Variants in CLCA2 observed in about 807,000 individuals in gnomAD.
CLCA2 encodes the protein calcium-activated chloride channel regulator 2.
Under a neutral mutation model 82.9 loss-of-function variants are expected in CLCA2, and 85 were observed. The observed-to-expected ratio is 1.03, with a 90% CI of 0.86 to 1.23. The LOEUF is 1.23. Among genes scored for constraint, CLCA2 ranks in the 50% most tolerant of loss-of-function variants. CLCA2 has a pLI of 0.00. For missense variants in CLCA2, 1,089 were observed against 1,124.8 expected, an observed-to-expected ratio of 0.97 and a Z score of 0.45; for synonymous variants, 421 against 391.7, an observed-to-expected ratio of 1.07 and a Z score of -0.88.
intron 5 of CLCA2, among the ~76,000 whole-genome samples, chr1:86,433,884 T>C (rs78088485): frequency 0.017 from 2,617 of 152,312 alleles, 86 homozygotes; most frequent in African/African-American, 0.06. Flanking sequence ...TAGATGGTGA[T>C]GCATTACTTA....
At chr1:86,439,331 A>G (rs11161832) in intron 7 of CLCA2, among the ~76,000 whole-genome samples, 15,807 of 152,230 alleles carry the variant, frequency 0.1, 972 homozygotes, top group African/African-American at 0.16. Flanking sequence ...CTTAATAAAT[A>G]CTTGTTGACA....
At position 86,425,429 on chromosome 1, in the gene CLCA2, T is replaced by A; in HGVS notation, c.277T>A (p.Trp93Arg). 1.3e-6 allele frequency: 2 copies of A among 1,569,708 alleles called. No homozygotes were observed. Among genetic ancestry groups the A allele is most frequent in the African/African-American group, 1.4e-5 (1 of 73,690 alleles). ...TATAAAGATTTTAATACCTGCCACA[T>A]GGAAAGCTAATAATAACAGCAAAAT... is the stretch of plus-strand genomic sequence containing the variant. ...RNIKILIPAT[W>R]KANNNSKIKQ... Residue 93 changes from tryptophan to arginine, a missense_variant, in exon 2 of 14, where the codon TGG becomes AGG. Trp to Arg is a moderately radical substitution (Grantham distance 101). Coordinates refer to ENST00000370565, the MANE Select transcript of CLCA2 (RefSeq NM_006536.7).
rs1289844046 is a variant in CLCA2, at chr1:86,440,264, T to C, written c.1320T>C (p.Ile440=). 6.2e-7 allele frequency: 1 copy of C among 1,614,136 alleles called. No homozygotes were observed. The highest frequency in any genetic ancestry group is 1.7e-5 in the Admixed American group (1 of 60,008). ...LPTVLSSGST[I]HSIALGSSAA... ...CTGTGCTCAGCAGTGGTTCAACAATTCACTCCATTGCCCTGGGTTCATCTG... is the reference window on the plus strand; with the variant it reads ...CTGTGCTCAGCAGTGGTTCAACAATCCACTCCATTGCCCTGGGTTCATCTG... The change falls in exon 8 of 14, where the codon ATT becomes ATC. Residue 440 remains isoleucine, a synonymous_variant. Coordinates refer to ENST00000370565, the MANE Select transcript of CLCA2 (RefSeq NM_006536.7).
intron 3 of CLCA2, 45 bp downstream of exon 3, chr1:86,428,613 A>G: frequency 6.3e-7 from 1 of 1,588,540 alleles, no homozygotes; most frequent in East Asian, 2.3e-5. Flanking sequence ...AATACTACTT[A>G]TAATATTCTG....
Position 86,424,186 on chromosome 1 carries a change from G to A in CLCA2, c.-62G>A, listed in dbSNP as rs1481578026. 3 of 1,493,792 alleles carry A rather than the reference G, an allele frequency of 2.0e-6. No individual in the cohort carries two copies. Among genetic ancestry groups the A allele is most frequent in the African/African-American group, 1.4e-5 (1 of 70,712 alleles). 92.5% of individuals were successfully genotyped at this position (1,493,792 alleles called of 1,614,324 possible). A position where few individuals can be genotyped will look rare whatever the true frequency, so the allele number is the denominator to read the frequency against. ...GGAAGAAACCATCTGCATCCATATTGAAAACCTGACACAATGTATGCAGCA... is the reference window on the plus strand; with the variant it reads ...GGAAGAAACCATCTGCATCCATATTAAAAACCTGACACAATGTATGCAGCA... On this transcript the variant is annotated 5_prime_UTR_variant, in exon 1 of 14. Coordinates refer to ENST00000370565, the MANE Select transcript of CLCA2 (RefSeq NM_006536.7).
intron 8 of CLCA2, 93 bp downstream of exon 8, chr1:86,440,418 G>C: frequency 9.0e-7 from 1 of 1,108,896 alleles, no homozygotes; most frequent in Non-Finnish European, 1.3e-6. Context: ...TGGCTTAATT[G>C]AAAATACAGA....
rs55906076 is a variant in CLCA2, at chr1:86,438,966, G to T, written c.1063G>T (p.Asp355Tyr). 3.9e-3 allele frequency: 6,287 copies of T among 1,614,016 alleles called. 22 individuals are homozygous for T. The highest frequency in any genetic ancestry group is 6.6e-3 in the South Asian group (605 of 91,064). Residue 355 changes from aspartate to tyrosine, a missense_variant, in exon 7 of 14, where the codon GAC becomes TAC. Coordinates refer to ENST00000370565, the MANE Select transcript of CLCA2 (RefSeq NM_006536.7). Reference sequence around the variant, plus strand: ...TACCTTCGTGGGCATTGCCAGTTTCGACAGCAAAGGAGAGATCAGAGCCCA... The same window carrying T: ...TACCTTCGTGGGCATTGCCAGTTTCTACAGCAAAGGAGAGATCAGAGCCCA... ...IHTFVGIASF[D>Y]SKGEIRAQLH...
chr1:86,439,368 G>C (rs934713165), intron 7 of CLCA2, among the ~76,000 whole-genome samples: 4 of 152,152 alleles, frequency 2.6e-5, no homozygotes, highest in Non-Finnish European at 5.9e-5. Flanking sequence ...GAATACAATG[G>C]ACGAGACTAG....
chr1:86,432,812 A>G (rs1047173758), intron 5 of CLCA2, among the ~76,000 whole-genome samples: 1 of 152,236 alleles, frequency 6.6e-6, no homozygotes, highest in African/African-American at 2.4e-5. Context: ...GTATTCTTTC[A>G]TAAGAAATTA....
In CLCA2 at chr1:86,453,552, A is replaced by T. The variant is rs1663016445; in HGVS notation, c.2339A>T (p.Glu780Val). The change falls in exon 13 of 14, where the codon GAA (glutamate) becomes GTA (valine). Residue 780 changes from glutamate to valine, a missense_variant. Physicochemically the swap from Glu to Val is moderately radical, Grantham distance 121. Coordinates refer to ENST00000370565, the MANE Select transcript of CLCA2 (RefSeq NM_006536.7). ...CTGGAAGCTGTAAAAGTAGAAGAGG[A>T]ATTGACCCTATCTTGGACAGCACCT... ...IDLEAVKVEEELTLSWTAPGE... is the reference protein window; with the variant it reads ...IDLEAVKVEEVLTLSWTAPGE... The T allele has an allele frequency of 2.5e-6, 4 of 1,614,016 alleles. No homozygotes were observed. The highest frequency in any genetic ancestry group is 3.4e-6 in the Non-Finnish European group (4 of 1,180,020).
At chr1:86,446,216 C>CT (rs3086658) in intron 10 of CLCA2, among the ~76,000 whole-genome samples, 20,611 of 108,428 alleles carry the variant, frequency 0.19, 2,295 homozygotes, top group East Asian at 0.32. Context: ...GCTGTGGGAA[C>CT]TTTTTTTTTT....
At position 86,455,456 on chromosome 1, in the gene CLCA2, G is replaced by C; in HGVS notation, c.2761G>C (p.Val921Leu). The change falls in exon 14 of 14, where the codon GTT becomes CTT. Residue 921 changes from valine (V) to leucine (L), a missense_variant. Val to Leu is a conservative substitution (Grantham distance 32, BLOSUM62 1). Coordinates refer to ENST00000370565, the MANE Select transcript of CLCA2 (RefSeq NM_006536.7). ...GATAGGAATCATTTGCCTTATTATA[G>C]TTGTGACACATCATACTTTAAGCAG... Reference protein sequence around the residue: ...GLIGIICLIIVVTHHTLSRKK... With the variant: ...GLIGIICLIILVTHHTLSRKK... 1 of 1,564,058 alleles carries C rather than the reference G, an allele frequency of 6.4e-7. No individual in the cohort carries two copies. Among genetic ancestry groups the C allele is most frequent in the Non-Finnish European group, 8.6e-7 (1 of 1,159,156 alleles).
intron 3 of CLCA2, among the ~76,000 whole-genome samples, 153 bp from the exon 4 acceptor site, chr1:86,430,709 A>G (rs1291929185): frequency 6.6e-6 from 1 of 152,158 alleles, no homozygotes; most frequent in Non-Finnish European, 1.5e-5. Context: ...GGAATAGGAT[A>G]GGGGAGAGGA....
At position 86,428,535 on chromosome 1, in the gene CLCA2, A is replaced by C. The variant is rs186591367; in HGVS notation, c.442A>C (p.Asn148His). The C allele has an allele frequency of 2.0e-5, 33 of 1,613,730 alleles. No individual in the cohort carries two copies. Among genetic ancestry groups the C allele is most frequent in the Non-Finnish European group, 2.6e-5 (31 of 1,179,736 alleles). ...YIHFTPNFLLNDNLTAGYGSR... is the reference protein window; with the variant it reads ...YIHFTPNFLLHDNLTAGYGSR... ...TCATTTCACACCTAATTTCCTACTG[A>C]ATGATAACTTAACAGCTGGCTACGG... Residue 148 changes from asparagine (N) to histidine (H), a missense_variant, in exon 3 of 14, where the codon AAT becomes CAT. Asn to His is a moderately conservative substitution (Grantham distance 68, BLOSUM62 1). Coordinates refer to ENST00000370565, the MANE Select transcript of CLCA2 (RefSeq NM_006536.7).
chr1:86,454,397 C>T (rs1329099615), intron 13 of CLCA2, among the ~76,000 whole-genome samples: 2 of 152,148 alleles, frequency 1.3e-5, no homozygotes, highest in Admixed American at 6.5e-5. Flanking sequence ...TTCCACATTG[C>T]TATTTTTTAG....
intron 6 of CLCA2, 81 bp from the exon 7 acceptor site, chr1:86,438,795 G>A: frequency 3.6e-6 from 4 of 1,111,022 alleles, no homozygotes; most frequent in Non-Finnish European, 5.4e-6. Context: ...TAGCAGAGAT[G>A]TTTGCTAATT....
chr1:86,428,385 A>G, intron 2 of CLCA2, 33 bp from the exon 3 acceptor site: 2 of 1,561,300 alleles, frequency 1.3e-6, no homozygotes, highest in Non-Finnish European at 1.7e-6. Context: ...AACAGAGCTG[A>G]GAAAGTATTA....
intron 12 of CLCA2, 62 bp from the exon 13 acceptor site, chr1:86,453,307 A>T: frequency 5.4e-6 from 7 of 1,294,274 alleles, no homozygotes; most frequent in Non-Finnish European, 7.7e-6. Context: ...CTGTGTCAAG[A>T]ACAAGCTATT....
chr1:86,452,066 A>G (rs920691156), intron 12 of CLCA2, among the ~76,000 whole-genome samples: 1 of 151,480 alleles, frequency 6.6e-6, no homozygotes, highest in African/African-American at 2.4e-5. Flanking sequence ...GCTCATTAAC[A>G]TCTTGAATTA....
Sources: allele counts gnomAD v4.1 joint callset (sites outside exome capture counted in the v4.1 genomes callset), GRCh38; gene constraint gnomAD v4.1.1; transcripts MANE v1.5; gene names NCBI Gene and HGNC (gene_info 2026-07-23, HGNC 2026-07-21).